The following ZC3H12B variants were observed in gnomAD, a reference collection of about 807,000 sequenced individuals.
ZC3H12B encodes zinc finger CCCH-type containing 12B.
In ZC3H12B, 7 loss-of-function variants were observed where a neutral mutation model predicts 43.9. The ratio of observed to expected loss-of-function variants is 0.16; its 90% CI spans 0.09 to 0.30. ZC3H12B has a LOEUF of 0.30. Ranked by LOEUF, ZC3H12B falls within the 10% of genes least tolerant of loss-of-function variation. The probability of loss-of-function intolerance (pLI) is 1.00; values close to 1 mark genes in which losing one functional copy is unlikely to be tolerated. For synonymous variants in ZC3H12B, 222 were observed against 241.7 expected, an observed-to-expected ratio of 0.92 and a Z score of 0.76; for missense variants, 475 against 670.2, an observed-to-expected ratio of 0.71 and a Z score of 3.22.
At chrX:65,281,979 C>T in the ZC3H12B span, among the ~76,000 whole-genome samples, 2 of 111,646 alleles carry the variant, frequency 1.8e-5, no homozygotes, top group South Asian at 7.5e-4. Flanking sequence ...AAATGTGATG[C>T]ACCACATTAA....
chrX:65,150,647 G>A, the ZC3H12B span, among the ~76,000 whole-genome samples: 1 of 111,506 alleles, frequency 9.0e-6, no homozygotes, highest in African/African-American at 3.3e-5. Flanking sequence ...CTTCATCCAT[G>A]TCCCTGCAAA....
the ZC3H12B span, among the ~76,000 whole-genome samples, chrX:65,317,851 CTATA>C: frequency 1.5e-3 from 141 of 95,195 alleles, 1 homozygote; most frequent in African/African-American, 4.9e-3. Context: ...CACGCACACA[CTATA>C]TATATATATA....
the ZC3H12B span, among the ~76,000 whole-genome samples, chrX:65,348,389 G>T: frequency 9.0e-6 from 1 of 111,662 alleles, no homozygotes; most frequent in African/African-American, 3.3e-5. Flanking sequence ...GGAACAGCCA[G>T]TACCAGCCAC....
At chrX:65,421,724 G>A (rs2067019327) in intron 3 of ZC3H12B, among the ~76,000 whole-genome samples, 1 of 111,891 alleles carries the variant, frequency 8.9e-6, no homozygotes, top group Non-Finnish European at 1.9e-5. Flanking sequence ...CACTTTGGGA[G>A]GCTGAGGCAG....
intron 2 of ZC3H12B, among the ~76,000 whole-genome samples, chrX:65,374,270 C>CTA (rs57169099): frequency 0.084 from 6,625 of 78,678 alleles, 738 homozygotes; most frequent in African/African-American, 0.28. Context: ...GTAATATATA[C>CTA]TATATATATA....
At chrX:65,386,748 T>C (rs892796498) in intron 2 of ZC3H12B, among the ~76,000 whole-genome samples, 4 of 111,695 alleles carry the variant, frequency 3.6e-5, no homozygotes. Flanking sequence ...AGGGTGTCAA[T>C]TTTGGATCTT....
rs866532815 is a variant in ZC3H12B at position 65,382,433 on chromosome X, C to G, written n.295+13435C>G. Among the ~76,000 whole-genome samples the G allele has an allele frequency of 5.3e-4, 59 of 110,827 alleles. No individual in the cohort carries two copies. In the South Asian group the frequency reaches 0.011, roughly 21 times the overall value. ...CATGCTAAAAACTCTCAATAAATTA[C>G]GTATTGATGGGACGTATCTCAAAAT... is the stretch of plus-strand genomic sequence containing the variant. On this transcript the variant is annotated intron_variant and non_coding_transcript_variant, in intron 2 of 5. Transcript: ENST00000617377.
At chrX:65,158,262 A>C in the ZC3H12B span, among the ~76,000 whole-genome samples, 1 of 110,919 alleles carries the variant, frequency 9.0e-6, no homozygotes, top group Non-Finnish European at 1.9e-5. Context: ...TAGCAGCATG[A>C]TTTACAGTTC....
the ZC3H12B span, among the ~76,000 whole-genome samples, chrX:65,157,225 C>T: frequency 1.4e-4 from 16 of 111,807 alleles, no homozygotes; most frequent in Non-Finnish European, 2.6e-4. Context: ...AAGGTATCTG[C>T]CCGCCTATGC....
the ZC3H12B span, among the ~76,000 whole-genome samples, chrX:65,139,409 A>T: frequency 9.0e-6 from 1 of 110,589 alleles, no homozygotes; most frequent in Non-Finnish European, 1.9e-5. Context: ...AAATGTGTGG[A>T]TTTATTTCTA....
At chrX:65,118,199 G>A in the ZC3H12B span, among the ~76,000 whole-genome samples, 2 of 111,858 alleles carry the variant, frequency 1.8e-5, no homozygotes, top group Non-Finnish European at 3.8e-5. Flanking sequence ...CAGGAGCATG[G>A]AATGTTCTTC....
chrX:65,490,682 T>G (rs1420057561), intron 1 of ZC3H12B, among the ~76,000 whole-genome samples: 1 of 111,408 alleles, frequency 9.0e-6, no homozygotes, highest in African/African-American at 3.3e-5. Flanking sequence ...AGGAATCCCT[T>G]CTTCTATTTC....
chrX:65,112,960 A>T, the ZC3H12B span, among the ~76,000 whole-genome samples: 1 of 112,029 alleles, frequency 8.9e-6, no homozygotes, highest in South Asian at 3.6e-4. Context: ...AAATAAATTG[A>T]AAACCTTCTG....
At chrX:65,196,297 G>A in the ZC3H12B span, among the ~76,000 whole-genome samples, 19 of 110,192 alleles carry the variant, frequency 1.7e-4, no homozygotes, top group Admixed American at 1.3e-3. Context: ...TGAAGGAAGC[G>A]TGAAGGAAAT....
At chrX:65,319,014 A>G in the ZC3H12B span, among the ~76,000 whole-genome samples, 1 of 111,455 alleles carries the variant, frequency 9.0e-6, no homozygotes, top group South Asian at 3.8e-4. Context: ...CACCTAGAGG[A>G]CCTAGAGAAA....
chrX:65,150,688 A>G, the ZC3H12B span, among the ~76,000 whole-genome samples: 2 of 111,900 alleles, frequency 1.8e-5, no homozygotes, highest in Non-Finnish European at 3.8e-5. Context: ...TCATGGCTGC[A>G]TAGTCTGAAT....
the ZC3H12B span, among the ~76,000 whole-genome samples, chrX:65,270,662 C>G: frequency 9.7e-6 from 1 of 102,641 alleles, no homozygotes; most frequent in African/African-American, 4.1e-5. Context: ...CTGTACAACT[C>G]AATAGAAAAA....
chrX:65,292,198 C>T, the ZC3H12B span, among the ~76,000 whole-genome samples: 5 of 111,527 alleles, frequency 4.5e-5, no homozygotes, highest in Non-Finnish European at 9.4e-5. Flanking sequence ...GACTACTAGT[C>T]ACAACAGAAC....
At chrX:65,079,646 A>G in the ZC3H12B span, among the ~76,000 whole-genome samples, 1 of 112,790 alleles carries the variant, frequency 8.9e-6, no homozygotes, top group Non-Finnish European at 1.9e-5. Context: ...GTAAGTCTGC[A>G]AGAACCACTG....
Sources: gnomAD v4.1 joint callset for allele counts (sites outside exome capture counted in the v4.1 genomes callset) on GRCh38, gnomAD v4.1.1 for gene constraint, MANE v1.5 for transcripts, NCBI Gene and HGNC (gene_info 2026-07-23, HGNC 2026-07-21) for gene names.